GAPVD1: variants seen among roughly 807,000 people sequenced by gnomAD.
The protein encoded by GAPVD1 is GTPase activating protein and VPS9 domains 1, also known as GTPase-activating protein and VPS9 domain-containing protein 1.
Under a neutral mutation model 155.5 loss-of-function variants are expected in GAPVD1, and 35 were observed. That is an observed-to-expected ratio of 0.23 (90% CI 0.17 to 0.30). GAPVD1 has a LOEUF of 0.30. GAPVD1 is among the 10% of genes least tolerant of loss of function. The probability of loss-of-function intolerance (pLI) is 1.00; values close to 1 mark genes in which losing one functional copy is unlikely to be tolerated. For missense variants in GAPVD1, 1,429 were observed against 1,775.7 expected, an observed-to-expected ratio of 0.80 and a Z score of 3.51; for synonymous variants, 636 against 619.7, an observed-to-expected ratio of 1.03 and a Z score of -0.39.
intron 3 of GAPVD1, among the ~76,000 whole-genome samples, chr9:125,296,840 A>G (rs1439915669): frequency 6.8e-6 from 1 of 147,706 alleles, no homozygotes; most frequent in African/African-American, 2.5e-5. Flanking sequence ...TTGTATTTTT[A>G]GTAGAGACAG....
In GAPVD1 at chr9:125,312,531, G is replaced by T. The variant is rs776750598; in HGVS notation, c.1521G>T (p.Gln507His). 6.2e-6 allele frequency: 10 copies of T among 1,610,422 alleles called. No individual in the cohort carries two copies. Among genetic ancestry groups the T allele is most frequent in the Non-Finnish European group, 7.6e-6 (9 of 1,178,322 alleles). The change falls in exon 9 of 28, where the codon CAG becomes CAT. Residue 507 changes from glutamine to histidine, a missense_variant. Physicochemically the swap from Gln to His is conservative, Grantham distance 24. Coordinates refer to ENST00000297933, the MANE Select transcript of GAPVD1 (RefSeq NM_001282680.3). Reference sequence around the variant, plus strand: ...AAGGATCATCTCAAGAAACCATTCAGGAGGTGCAACCAGAAGAGGTGTTGG... The same window carrying T: ...AAGGATCATCTCAAGAAACCATTCATGAGGTGCAACCAGAAGAGGTGTTGG... ...DHEGSSQETI[Q>H]EVQPEEVLVI...
At chr9:125,288,409 C>T (rs1838068110) in intron 2 of GAPVD1, among the ~76,000 whole-genome samples, 1 of 152,104 alleles carries the variant, frequency 6.6e-6, no homozygotes, top group African/African-American at 2.4e-5. Context: ...TGCACCCGGC[C>T]TTGTTAATAT....
At chr9:125,269,557 A>G (rs1232201800) in intron 2 of GAPVD1, among the ~76,000 whole-genome samples, 3 of 149,634 alleles carry the variant, frequency 2.0e-5, no homozygotes, top group African/African-American at 7.4e-5. Context: ...CCTCCCGAGT[A>G]GCTGGGATTA....
At chr9:125,284,890 T>C (rs1053652003) in intron 2 of GAPVD1, among the ~76,000 whole-genome samples, 2 of 152,224 alleles carry the variant, frequency 1.3e-5, no homozygotes, top group African/African-American at 4.8e-5. Context: ...AGTAAGAATA[T>C]TGTATAAAAG....
At chr9:125,278,488 T>C (rs1490522407) in intron 2 of GAPVD1, among the ~76,000 whole-genome samples, 2 of 151,868 alleles carry the variant, frequency 1.3e-5, no homozygotes, top group Non-Finnish European at 2.9e-5. Context: ...GCCACTACCC[T>C]CCAGCCTGGG....
intron 9 of GAPVD1, among the ~76,000 whole-genome samples, chr9:125,315,891 T>C (rs1266473152): frequency 6.6e-6 from 1 of 152,132 alleles, no homozygotes; most frequent in Non-Finnish European, 1.5e-5. Context: ...ACCTTCAGGC[T>C]GAACCCAAGT....
At chr9:125,279,661 TGTAG>T (rs745335065) in intron 2 of GAPVD1, among the ~76,000 whole-genome samples, 4 of 151,322 alleles carry the variant, frequency 2.6e-5, no homozygotes, top group Admixed American at 2.6e-4. Flanking sequence ...TCTGCCAAAG[TGTAG>T]GCATCGGTAT....
At chr9:125,348,928 G>A (rs1186219807) in intron 20 of GAPVD1, among the ~76,000 whole-genome samples, 3 of 152,248 alleles carry the variant, frequency 2.0e-5, no homozygotes, top group African/African-American at 7.2e-5. Context: ...CTCCAGTAGA[G>A]AGAATCAGGA....
chr9:125,327,751 G>T (rs1456153730), intron 12 of GAPVD1, among the ~76,000 whole-genome samples: 1 of 152,076 alleles, frequency 6.6e-6, no homozygotes, highest in African/African-American at 2.4e-5. Context: ...TGATCCATCC[G>T]CCTCGGCCTC....
intron 15 of GAPVD1, among the ~76,000 whole-genome samples, chr9:125,335,591 C>T (rs959064331): frequency 5.3e-5 from 8 of 151,808 alleles, no homozygotes; most frequent in Non-Finnish European, 1.5e-5. Flanking sequence ...GCAGGAGAAT[C>T]GCTTGAACCC....
chr9:125,286,832 C>T (rs1217009680), intron 2 of GAPVD1, among the ~76,000 whole-genome samples: 2 of 152,124 alleles, frequency 1.3e-5, no homozygotes, highest in African/African-American at 4.8e-5. Flanking sequence ...GCCTGTAATC[C>T]TAGCACTTTG....
rs756017027 is a variant in GAPVD1 at position 125,305,147 on chromosome 9, A to G, written c.1114A>G (p.Lys372Glu). Residue 372 changes from lysine (K) to glutamate (E), a missense_variant and splice_region_variant, in exon 6 of 28, where the codon AAA becomes GAA. Coordinates refer to ENST00000297933, the MANE Select transcript of GAPVD1 (RefSeq NM_001282680.3). ...RTKSSLGKFD[K>E]SCVAAFLDVV... ...AAAGAGCAGCCTTGGAAAGTTTGACAAAGTAAGAATAAATATGATTTATAG... is the reference window on the plus strand; with the variant it reads ...AAAGAGCAGCCTTGGAAAGTTTGACGAAGTAAGAATAAATATGATTTATAG... 6.3e-7 allele frequency: 1 copy of G among 1,599,606 alleles called. No individual in the cohort carries two copies. Among genetic ancestry groups the G allele is most frequent in the Admixed American group, 1.7e-5 (1 of 59,960 alleles).
At chr9:125,285,482 G>T (rs1242406248) in intron 2 of GAPVD1, among the ~76,000 whole-genome samples, 1 of 109,816 alleles carries the variant, frequency 9.1e-6, no homozygotes, top group Non-Finnish European at 1.7e-5. Context: ...TTTTGAGGTA[G>T]AGTCTTCCTC....
intron 23 of GAPVD1, among the ~76,000 whole-genome samples, chr9:125,352,440 C>T (rs909867928): frequency 4.6e-5 from 7 of 152,212 alleles, no homozygotes; most frequent in Non-Finnish European, 7.3e-5. Flanking sequence ...TGGAATCTGC[C>T]GAGGCTTGGG....
rs565647074 is a variant in GAPVD1, at chr9:125,278,566, G to A, written c.-150+9582G>A. Among the ~76,000 whole-genome samples, 406 of 151,780 alleles carry A rather than the reference G, an allele frequency of 2.7e-3. 3 individuals carry two copies. The highest frequency in any genetic ancestry group is 4.2e-3 in the Non-Finnish European group (285 of 67,944). ...ATGTTCACATTAGGCCAGGCAAGGTGGTTCATGCCTGTAATCCCAGCACTT... is the reference window on the plus strand; with the variant it reads ...ATGTTCACATTAGGCCAGGCAAGGTAGTTCATGCCTGTAATCCCAGCACTT... On this transcript the variant is annotated intron_variant, in intron 2 of 27. Coordinates refer to ENST00000297933, the MANE Select transcript of GAPVD1 (RefSeq NM_001282680.3).
At chr9:125,290,958 C>T (rs1838487657) in intron 2 of GAPVD1, among the ~76,000 whole-genome samples, 1 of 148,906 alleles carries the variant, frequency 6.7e-6, no homozygotes, top group South Asian at 2.1e-4. Flanking sequence ...CATTACTACA[C>T]TCCAGCCTGG....
At chr9:125,278,178 T>C (rs564565924) in intron 2 of GAPVD1, among the ~76,000 whole-genome samples, 1 of 152,304 alleles carries the variant, frequency 6.6e-6, no homozygotes, top group South Asian at 2.1e-4. Flanking sequence ...GAGACACTCA[T>C]CTATTGTATG....
intron 18 of GAPVD1, 132 bp from the exon 19 acceptor site, chr9:125,342,087 C>T (rs1847913458): frequency 1.7e-6 from 1 of 601,516 alleles, no homozygotes. Flanking sequence ...GGACAATTAT[C>T]AGTCAACACT....
At chr9:125,341,505 T>C (rs539070791) in intron 18 of GAPVD1, 1 of 385,120 alleles carries the variant, frequency 2.6e-6, no homozygotes, top group Admixed American at 4.3e-5. Context: ...CTGTCACTAT[T>C]GTTTAAATAT....
Sources: gnomAD v4.1 joint callset for allele counts (sites outside exome capture counted in the v4.1 genomes callset) on GRCh38, gnomAD v4.1.1 for gene constraint, MANE v1.5 for transcripts, NCBI Gene and HGNC (gene_info 2026-07-23, HGNC 2026-07-21) for gene names.